The following MAN1C1 variants were observed in gnomAD, a reference collection of about 807,000 sequenced individuals.
The protein encoded by MAN1C1 is mannosidase alpha class 1C member 1, also known as mannosyl-oligosaccharide 1,2-alpha-mannosidase IC.
Under a neutral mutation model 71.5 loss-of-function variants are expected in MAN1C1, and 49 were observed. The observed-to-expected ratio is 0.69, with a 90% CI of 0.54 to 0.87. The LOEUF (loss-of-function observed/expected upper bound fraction) is 0.87, where lower values mean the gene tolerates loss of function less well. MAN1C1 is among the 40% of genes least tolerant of loss of function. The pLI is 0.00. For missense variants in MAN1C1, 743 were observed against 835.0 expected, an observed-to-expected ratio of 0.89 and a Z score of 1.36; for synonymous variants, 352 against 343.7, an observed-to-expected ratio of 1.02 and a Z score of -0.27.
intron 1 of MAN1C1, among the ~76,000 whole-genome samples, chr1:25,648,704 C>T (rs1352360631): frequency 6.6e-6 from 1 of 152,162 alleles, no homozygotes; most frequent in Non-Finnish European, 1.5e-5. Flanking sequence ...CTGCTCTGGC[C>T]CTGGCTTTCA....
At chr1:25,683,516 C>T (rs558472045) in intron 1 of MAN1C1, among the ~76,000 whole-genome samples, 40 of 152,258 alleles carry the variant, frequency 2.6e-4, no homozygotes, top group Admixed American at 2.0e-3. Flanking sequence ...CAAATAGTTG[C>T]AGATATAAAA....
intron 4 of MAN1C1, among the ~76,000 whole-genome samples, chr1:25,751,208 TTTCC>T (rs373548922): frequency 1.8e-3 from 238 of 129,846 alleles, no homozygotes; most frequent in African/African-American, 4.0e-3. Context: ...TCCATTCGTC[TTTCC>T]TTCCTTCCTT....
intron 5 of MAN1C1, among the ~76,000 whole-genome samples, chr1:25,757,154 C>A (rs1320501148): frequency 6.6e-6 from 1 of 152,158 alleles, no homozygotes; most frequent in Admixed American, 6.5e-5. Context: ...GATCCCCAGC[C>A]CTATCCCAGG....
intron 2 of MAN1C1, among the ~76,000 whole-genome samples, chr1:25,706,035 A>T (rs1016251703): frequency 6.6e-6 from 1 of 152,226 alleles, no homozygotes; most frequent in Admixed American, 6.5e-5. Flanking sequence ...TGAGTCATGG[A>T]GAGGTTGGGT....
intron 1 of MAN1C1, among the ~76,000 whole-genome samples, chr1:25,636,392 C>T (rs2045460769): frequency 6.6e-6 from 1 of 152,126 alleles, no homozygotes; most frequent in Non-Finnish European, 1.5e-5. Context: ...TATAGACCTC[C>T]CCCCAGGAAT....
In MAN1C1 at chr1:25,753,470, C is replaced by G. The variant is rs1206312019; in HGVS notation, c.835-14C>G. ...AGCCTGGAGTCAAAAGCCCTTTGAT[C>G]CCCTCCTTTACAGGTGTTCCGAATA... On this transcript the variant is annotated splice_polypyrimidine_tract_variant and intron_variant, in intron 4 of 11. Transcript: ENST00000374332. This position sits in a 1 kb window ranked among gnomAD's most constrained non-coding sequence, Gnocchi z 4.9. The G allele has an allele frequency of 2.1e-5, 33 of 1,603,426 alleles. 1 individual carries two copies. Among genetic ancestry groups the G allele is most frequent in the African/African-American group, 2.7e-5 (2 of 74,574 alleles).
At chr1:25,744,298 A>G (rs1450078563) in intron 2 of MAN1C1, among the ~76,000 whole-genome samples, 1 of 152,186 alleles carries the variant, frequency 6.6e-6, no homozygotes, top group Non-Finnish European at 1.5e-5. Context: ...TGCCACCTAC[A>G]GGGGAAGCAG....
chr1:25,757,025 C>T (rs1002899096), intron 5 of MAN1C1, among the ~76,000 whole-genome samples: 2 of 152,166 alleles, frequency 1.3e-5, no homozygotes, highest in Admixed American at 6.6e-5. Flanking sequence ...CCCCAAAGAT[C>T]TCAAAACCCG....
intron 1 of MAN1C1, chr1:25,654,298 T>C (rs1160534079): frequency 6.6e-6 from 1 of 152,192 alleles, no homozygotes; most frequent in African/African-American, 2.4e-5. Flanking sequence ...TTTGAAGTCT[T>C]GTGTATGTGG....
chr1:25,721,331 G>A (rs899295883), intron 2 of MAN1C1, among the ~76,000 whole-genome samples: 1 of 152,046 alleles, frequency 6.6e-6, no homozygotes, highest in Non-Finnish European at 1.5e-5. Context: ...AGCCAGTTGG[G>A]ATTTTGATAG....
intron 1 of MAN1C1, among the ~76,000 whole-genome samples, chr1:25,653,632 C>G (rs2045723435): frequency 6.6e-6 from 1 of 152,182 alleles, no homozygotes; most frequent in African/African-American, 2.4e-5. Context: ...GGTCACATCA[C>G]AGAGGCCGTT....
At chr1:25,708,167 C>T (rs1182555960) in intron 2 of MAN1C1, among the ~76,000 whole-genome samples, 2 of 152,196 alleles carry the variant, frequency 1.3e-5, no homozygotes, top group African/African-American at 2.4e-5. Context: ...ACTGAATATA[C>T]TTACAGTTAT....
chr1:25,767,551 A>ATACATC (rs1177759959), intron 7 of MAN1C1, among the ~76,000 whole-genome samples: 1 of 114,932 alleles, frequency 8.7e-6, no homozygotes, highest in Non-Finnish European at 1.8e-5. Context: ...CTCCCCTCAC[A>ATACATC]CACACTCCCC....
intron 1 of MAN1C1, among the ~76,000 whole-genome samples, chr1:25,652,392 G>A (rs2045705542): frequency 6.6e-6 from 1 of 152,340 alleles, no homozygotes; most frequent in Admixed American, 6.5e-5. Context: ...TGGCAGTGGC[G>A]CTCTCCCGGG....
At chr1:25,660,172 T>C (rs2124097364) in intron 1 of MAN1C1, among the ~76,000 whole-genome samples, 1 of 152,176 alleles carries the variant, frequency 6.6e-6, no homozygotes, top group African/African-American at 2.4e-5. Context: ...GAGGCCAAGG[T>C]GGGCGGATCA....
intron 1 of MAN1C1, chr1:25,645,953 A>G (rs985307601): frequency 1.3e-5 from 2 of 152,252 alleles, no homozygotes; most frequent in Non-Finnish European, 1.5e-5. Flanking sequence ...GTCTTGCCCA[A>G]ATCACTCTGA....
Position 25,782,713 on chromosome 1 carries a change from G to A in MAN1C1, c.1766+13G>A. 1.3e-6 allele frequency: 2 copies of A among 1,597,820 alleles called. No homozygotes were observed. The highest frequency in any genetic ancestry group is 1.7e-6 in the Non-Finnish European group (2 of 1,165,302). On this transcript the variant is annotated intron_variant, in intron 11 of 11. Transcript: ENST00000374332. The surrounding 1 kb of genome is among the most constrained non-coding windows in gnomAD (Gnocchi z 4.4). ...CGGAGACACTAAAGTGAGCAGTGTG[G>A]GCTCTTCCTAGGGATGGACAGGTGG...
rs1360715941 is a variant in MAN1C1 at position 25,735,693 on chromosome 1, T to TA, written c.638-10974dup. On this transcript the variant is annotated intron_variant, in intron 2 of 11. Transcript: ENST00000374332. The surrounding 1 kb of genome is among the most constrained non-coding windows in gnomAD (Gnocchi z 4.6). ...CAGATAGGCTGGAATTTGGTTTATCTAGGCTGCATCTAGCTAGATCCAAGT... is the reference window on the plus strand; with the variant it reads ...CAGATAGGCTGGAATTTGGTTTATCTAAGGCTGCATCTAGCTAGATCCAAGT... Among the ~76,000 whole-genome samples, 1 of 152,210 alleles carries TA rather than the reference T, an allele frequency of 6.6e-6. No individual in the cohort carries two copies. The highest frequency in any genetic ancestry group is 1.5e-5 in the Non-Finnish European group (1 of 68,038).
intron 2 of MAN1C1, among the ~76,000 whole-genome samples, chr1:25,729,700 CAG>C (rs928154739): frequency 7.2e-5 from 11 of 152,066 alleles, no homozygotes; most frequent in South Asian, 4.1e-4. Flanking sequence ...TTAATAGAGA[CAG>C]GGTGTCACCA....
Sources: allele counts gnomAD v4.1 joint callset (sites outside exome capture counted in the v4.1 genomes callset), GRCh38; gene constraint gnomAD v4.1.1; non-coding constraint Gnocchi (gnomAD v3.1); transcripts MANE v1.5; gene names NCBI Gene and HGNC (gene_info 2026-07-23, HGNC 2026-07-21).